EXOC4: variants seen among roughly 807,000 people sequenced by gnomAD.
The protein encoded by EXOC4 is SEC8-like 1.
A neutral mutation model predicts 107.2 loss-of-function variants in EXOC4; 71 were observed. The observed-to-expected ratio is 0.66, with a 90% CI of 0.55 to 0.81. EXOC4 has a LOEUF of 0.81. Among genes scored for constraint, EXOC4 ranks in the 30% least tolerant of loss-of-function variants. EXOC4 has a pLI of 0.00. For missense variants in EXOC4, 1,108 were observed against 1,189.6 expected (o/e 0.93, Z 1.01); for synonymous variants, 456 against 441.2 (o/e 1.03, Z -0.42).
chr7:133,960,768 G>A (rs898887786), intron 14 of EXOC4, among the ~76,000 whole-genome samples: 1 of 152,162 alleles, frequency 6.6e-6, no homozygotes, highest in Admixed American at 6.5e-5. Context: ...CAGGGATATT[G>A]CTGTACGATT....
chr7:133,533,632 C>T (rs1479306119), intron 9 of EXOC4, among the ~76,000 whole-genome samples: 2 of 152,068 alleles, frequency 1.3e-5, no homozygotes, highest in Non-Finnish European at 2.9e-5. Context: ...ATTTATGGTC[C>T]ACTCCTTGCC....
intron 1 of EXOC4, among the ~76,000 whole-genome samples, chr7:133,274,212 A>C (rs1041176627): frequency 1.3e-5 from 2 of 152,208 alleles, no homozygotes; most frequent in African/African-American, 2.4e-5. Flanking sequence ...CTGCTGTTGT[A>C]AGAGATTTTA....
chr7:134,007,306 T>A (rs895424477), intron 16 of EXOC4, among the ~76,000 whole-genome samples: 4 of 152,182 alleles, frequency 2.6e-5, no homozygotes, highest in Non-Finnish European at 5.9e-5. Flanking sequence ...ATGCCTGTGG[T>A]CTTCTCTGCT....
intron 2 of EXOC4, among the ~76,000 whole-genome samples, chr7:133,284,331 T>C (rs995359697): frequency 7.9e-5 from 12 of 152,112 alleles, no homozygotes; most frequent in Non-Finnish European, 1.6e-4. Context: ...TTTAACTGTT[T>C]CCATAGTAAC....
chr7:133,803,169 G>C (rs1796988544), intron 10 of EXOC4, among the ~76,000 whole-genome samples: 1 of 152,148 alleles, frequency 6.6e-6, no homozygotes, highest in Non-Finnish European at 1.5e-5. Context: ...CTGCCAACAT[G>C]ATGGCTGGAA....
At chr7:133,372,712 A>G (rs1796404764) in intron 6 of EXOC4, among the ~76,000 whole-genome samples, 1 of 152,218 alleles carries the variant, frequency 6.6e-6, no homozygotes, top group Non-Finnish European at 1.5e-5. Flanking sequence ...CTGCTGGTTC[A>G]CAATCCTGTA....
chr7:134,074,601 G>A, the EXOC4 span, among the ~76,000 whole-genome samples: 2 of 152,342 alleles, frequency 1.3e-5, no homozygotes, highest in Admixed American at 6.5e-5. Context: ...CAAGAGGAGA[G>A]TGGGGATGCC....
intron 10 of EXOC4, among the ~76,000 whole-genome samples, chr7:133,792,553 CAAAAAAAAAAA>C (rs56408972): frequency 1.4e-5 from 1 of 73,606 alleles, no homozygotes; most frequent in African/African-American, 5.7e-5. Flanking sequence ...ACCCTGTCTC[CAAAAAAAAAAA>C]AAAAAAAAAC....
chr7:133,532,775 G>A (rs949868961), intron 9 of EXOC4, among the ~76,000 whole-genome samples: 3 of 151,986 alleles, frequency 2.0e-5, no homozygotes, highest in Non-Finnish European at 4.4e-5. Context: ...CAGCAATAAA[G>A]CAATTCAGAT....
intron 17 of EXOC4, among the ~76,000 whole-genome samples, chr7:134,039,625 C>A (rs1795468414): frequency 6.6e-6 from 1 of 152,188 alleles, no homozygotes; most frequent in Non-Finnish European, 1.5e-5. Context: ...CTACCCCCAG[C>A]TGGTCATATT....
intron 14 of EXOC4, among the ~76,000 whole-genome samples, chr7:133,963,762 C>G (rs182906749): frequency 1.3e-5 from 2 of 152,314 alleles, no homozygotes; most frequent in Non-Finnish European, 1.5e-5. Flanking sequence ...TAAGCCTGCT[C>G]TGTGCCCAGG....
At chr7:133,436,621 A>C (rs1797981875) in intron 7 of EXOC4, among the ~76,000 whole-genome samples, 1 of 152,182 alleles carries the variant, frequency 6.6e-6, no homozygotes, top group African/African-American at 2.4e-5. Context: ...AAGAAATAAG[A>C]CAGACCTATG....
At chr7:133,523,508 C>T (rs911476540) in intron 9 of EXOC4, among the ~76,000 whole-genome samples, 72 of 150,324 alleles carry the variant, frequency 4.8e-4, no homozygotes, top group African/African-American at 9.3e-4. Flanking sequence ...TAGTTACATA[C>T]GTATACATGT....
intron 12 of EXOC4, among the ~76,000 whole-genome samples, chr7:133,905,881 G>A (rs1799553815): frequency 1.3e-5 from 2 of 152,106 alleles, no homozygotes; most frequent in South Asian, 4.1e-4. Context: ...ATCAGAGCTG[G>A]CACGGGGCTA....
intron 10 of EXOC4, among the ~76,000 whole-genome samples, chr7:133,692,776 G>A (rs903778177): frequency 3.3e-5 from 5 of 152,148 alleles, no homozygotes; most frequent in Non-Finnish European, 7.3e-5. Context: ...GTTTTTATTC[G>A]AGAGTTTTCC....
intron 7 of EXOC4, among the ~76,000 whole-genome samples, chr7:133,468,753 G>A (rs1052168278): frequency 6.6e-5 from 10 of 152,158 alleles, no homozygotes; most frequent in Non-Finnish European, 1.3e-4. Flanking sequence ...AGGGATCATA[G>A]CTGTCAGTTT....
At chr7:133,461,227 C>T (rs1798585485) in intron 7 of EXOC4, among the ~76,000 whole-genome samples, 1 of 152,136 alleles carries the variant, frequency 6.6e-6, no homozygotes, top group African/African-American at 2.4e-5. Context: ...TTTGTGGACT[C>T]CTTAAAGAAC....
chr7:134,088,360 C>T, the EXOC4 span, among the ~76,000 whole-genome samples: 1 of 152,144 alleles, frequency 6.6e-6, no homozygotes, highest in South Asian at 2.1e-4. Context: ...TTTCCAAATT[C>T]TGGAGAAACT....
chr7:133,816,945 C>G (rs1797384931), intron 10 of EXOC4, among the ~76,000 whole-genome samples: 1 of 152,074 alleles, frequency 6.6e-6, no homozygotes, highest in Non-Finnish European at 1.5e-5. Flanking sequence ...GTAGGGGGAC[C>G]CCTGATGTAA....
Sources: gnomAD v4.1 joint callset for allele counts (sites outside exome capture counted in the v4.1 genomes callset) on GRCh38, gnomAD v4.1.1 for gene constraint, MANE v1.5 for transcripts, NCBI Gene and HGNC (gene_info 2026-07-23, HGNC 2026-07-21) for gene names.